The following AGPAT3 variants were observed in gnomAD, a reference collection of about 807,000 sequenced individuals.
AGPAT3 encodes the protein 1-acylglycerol-3-phosphate O-acyltransferase 3, also known as 1-acyl-sn-glycerol-3-phosphate acyltransferase gamma.
Under a neutral mutation model 47.3 loss-of-function variants are expected in AGPAT3, and 5 were observed. The observed-to-expected ratio is 0.11, with a 90% CI of 0.06 to 0.22. The LOEUF (loss-of-function observed/expected upper bound fraction) is 0.22, where lower values mean the gene tolerates loss of function less well. Ranked by LOEUF, AGPAT3 falls within the 10% of genes least tolerant of loss-of-function variation. The pLI is 1.00. For synonymous variants in AGPAT3, 212 were observed against 208.3 expected (o/e 1.02, Z -0.15); for missense variants, 315 against 493.0 (o/e 0.64, Z 3.42).
At position 43,981,237 on chromosome 21, in the gene AGPAT3, T is replaced by A. The variant is rs1432951841; in HGVS notation, c.1042+50T>A. 4 of 1,595,032 alleles carry A rather than the reference T, an allele frequency of 2.5e-6. No individual in the cohort carries two copies. The highest frequency in any genetic ancestry group is 2.6e-6 in the Non-Finnish European group (3 of 1,163,624). ...TCACACTCTGACGGGCCTCACAGTA[T>A]CAGCCACAGGGTCCGGGACCTGGTG... On this transcript the variant is annotated intron_variant, in intron 9 of 9. Transcript: ENST00000291572. This position sits in a 1 kb window ranked among gnomAD's most constrained non-coding sequence, Gnocchi z 5.3.
At chr21:43,959,953 A>C in intron 3 of AGPAT3, 94 bp downstream of exon 3, 1 of 1,367,108 alleles carries the variant, frequency 7.3e-7, no homozygotes, top group African/African-American at 1.4e-5. Context: ...TCAGGCAGGA[A>C]GTGAGGGCTA....
At chr21:43,964,471 C>T (rs1388419886) in intron 3 of AGPAT3, among the ~76,000 whole-genome samples, 1 of 152,024 alleles carries the variant, frequency 6.6e-6, no homozygotes, top group Non-Finnish European at 1.5e-5. Flanking sequence ...GCTGGGATTA[C>T]AGGCGGGAGC....
chr21:43,906,190 C>T (rs917532347), intron 2 of AGPAT3, among the ~76,000 whole-genome samples: 7 of 152,042 alleles, frequency 4.6e-5, no homozygotes, highest in South Asian at 2.1e-4. Flanking sequence ...AACCCAAATC[C>T]GATTTACAAC....
intron 1 of AGPAT3, among the ~76,000 whole-genome samples, chr21:43,872,845 C>T (rs1370910722): frequency 1.3e-5 from 2 of 152,230 alleles, no homozygotes; most frequent in East Asian, 1.9e-4. Context: ...TGAATCGTCC[C>T]ACTCTGCCTC....
At chr21:43,967,653 G>C (rs1365018176) in intron 3 of AGPAT3, 2 of 357,992 alleles carry the variant, frequency 5.6e-6, no homozygotes, top group Non-Finnish European at 5.1e-6. Flanking sequence ...TGCGGTACTC[G>C]GCCACACCAA....
chr21:43,905,775 C>G (rs1284919777), intron 2 of AGPAT3, among the ~76,000 whole-genome samples: 1 of 152,250 alleles, frequency 6.6e-6, no homozygotes, highest in African/African-American at 2.4e-5. Context: ...CATTCCCGCT[C>G]TTCTGCCTGT....
chr21:43,929,398 G>A (rs1236841100), intron 2 of AGPAT3, among the ~76,000 whole-genome samples: 2 of 152,230 alleles, frequency 1.3e-5, no homozygotes, highest in African/African-American at 4.8e-5. Flanking sequence ...ACACACTCCT[G>A]GAGCCTCTGC....
chr21:43,935,015 AC>A (rs2087391254), intron 2 of AGPAT3, among the ~76,000 whole-genome samples: 1 of 148,414 alleles, frequency 6.7e-6, no homozygotes, highest in African/African-American at 2.5e-5. Flanking sequence ...TACCCATGCC[AC>A]CCATGTGCCG....
Position 43,970,210 on chromosome 21 carries a change from G to T in AGPAT3, c.511-443G>T, listed in dbSNP as rs542235697. On this transcript the variant is annotated intron_variant, in intron 5 of 9. Transcript: ENST00000291572. This position sits in a 1 kb window ranked among gnomAD's most constrained non-coding sequence, Gnocchi z 5.8. ...TTCAGTAGAGACGGGGTTTCACCATGTTGGCCAGGCTGGTCTTGAACTCCT... is the reference window on the plus strand; with the variant it reads ...TTCAGTAGAGACGGGGTTTCACCATTTTGGCCAGGCTGGTCTTGAACTCCT... 6.6e-6 allele frequency among the ~76,000 whole-genome samples: 1 copy of T among 152,028 alleles called. No homozygotes were observed. The highest frequency in any genetic ancestry group is 2.1e-4 in the South Asian group (1 of 4,814).
chr21:43,941,326 G>A (rs984439936), intron 2 of AGPAT3, among the ~76,000 whole-genome samples: 1 of 152,152 alleles, frequency 6.6e-6, no homozygotes, highest in African/African-American at 2.4e-5. Flanking sequence ...AGCGGGGAGG[G>A]TCACTGCAGG....
chr21:43,962,657 G>A (rs2088931418), intron 3 of AGPAT3, among the ~76,000 whole-genome samples: 1 of 152,138 alleles, frequency 6.6e-6, no homozygotes, highest in African/African-American at 2.4e-5. Context: ...CTGCCTTTCA[G>A]GAGCCTAACC....
At chr21:43,974,269 ATG>A (rs1437958293) in intron 7 of AGPAT3, among the ~76,000 whole-genome samples, 1 of 151,940 alleles carries the variant, frequency 6.6e-6, no homozygotes, top group Non-Finnish European at 1.5e-5. Flanking sequence ...TGTGTGTGGT[ATG>A]TGTGTAAAAA....
chr21:43,916,183 G>A lies in AGPAT3; in HGVS notation c.-49+12164G>A, dbSNP rs1404772861. 4 of 152,100 alleles carry A rather than the reference G, an allele frequency of 2.6e-5. 1 individual carries two copies. Among genetic ancestry groups the A allele is most frequent in the Non-Finnish European group, 5.9e-5 (4 of 68,022 alleles). The allele number at this position is 152,100 out of a possible 1,614,324, so 9.4% of individuals were successfully genotyped here. On this transcript the variant is annotated intron_variant, in intron 2 of 9. Transcript: ENST00000291572. ...GTGCTGTTTATGAATGTTTCCATGG[G>A]ATACTGAAAAAAGAAAGGTGTGTTC...
intron 2 of AGPAT3, among the ~76,000 whole-genome samples, chr21:43,956,140 G>A (rs1358808166): frequency 6.6e-6 from 1 of 152,158 alleles, no homozygotes; most frequent in African/African-American, 2.4e-5. Flanking sequence ...GTGATGGGCT[G>A]CAGGGCGGCC....
chr21:43,890,860 C>T (rs543321154), intron 1 of AGPAT3, among the ~76,000 whole-genome samples: 34 of 152,276 alleles, frequency 2.2e-4, no homozygotes, highest in African/African-American at 7.2e-4. Flanking sequence ...GCCTCAGCCT[C>T]CTGAGTAGCT....
chr21:43,889,235 A>G (rs1393247001), intron 1 of AGPAT3, among the ~76,000 whole-genome samples: 1 of 150,446 alleles, frequency 6.6e-6, no homozygotes, highest in African/African-American at 2.4e-5. Context: ...GAGGGTCCTC[A>G]CCAAAGGGAA....
intron 2 of AGPAT3, among the ~76,000 whole-genome samples, chr21:43,913,678 G>A (rs1483576867): frequency 6.6e-6 from 1 of 152,198 alleles, no homozygotes; most frequent in Non-Finnish European, 1.5e-5. Flanking sequence ...TCCCTTGGCG[G>A]ACATTTGGCA....
At chr21:43,975,056 G>A (rs1052006193) in intron 7 of AGPAT3, among the ~76,000 whole-genome samples, 10 of 152,090 alleles carry the variant, frequency 6.6e-5, no homozygotes, top group African/African-American at 2.4e-4. Context: ...TTGTGCACTC[G>A]CATGTGATGT....
intron 2 of AGPAT3, among the ~76,000 whole-genome samples, chr21:43,912,038 G>A (rs1054236569): frequency 2.0e-5 from 3 of 152,260 alleles, no homozygotes; most frequent in South Asian, 2.1e-4. Context: ...GGAACTCCAC[G>A]GACTCATGGG....
Sources: allele counts gnomAD v4.1 joint callset (sites outside exome capture counted in the v4.1 genomes callset), GRCh38; gene constraint gnomAD v4.1.1; non-coding constraint Gnocchi (gnomAD v3.1); transcripts MANE v1.5; gene names NCBI Gene and HGNC (gene_info 2026-07-23, HGNC 2026-07-21).